The following LTBP1 variants were observed in gnomAD, a reference collection of about 807,000 sequenced individuals.
LTBP1 encodes the protein latent transforming growth factor beta binding protein 1, also known as latent-transforming growth factor beta-binding protein 1.
Under a neutral mutation model 207.6 loss-of-function variants are expected in LTBP1, and 129 were observed. That is an observed-to-expected ratio of 0.62 (90% CI 0.54 to 0.72). LTBP1 has a LOEUF of 0.72. Ranked by LOEUF, LTBP1 falls within the 30% of genes least tolerant of loss-of-function variation. The pLI, the probability that LTBP1 is intolerant of heterozygous loss-of-function variation, is 0.00. For synonymous variants in LTBP1, 963 were observed against 833.7 expected (o/e 1.16, Z -2.67); for missense variants, 2,281 against 2,217.2 (o/e 1.03, Z -0.58).
At chr2:33,139,082 T>G (rs1410942206) in intron 5 of LTBP1, among the ~76,000 whole-genome samples, 2 of 151,838 alleles carry the variant, frequency 1.3e-5, no homozygotes, top group Admixed American at 1.3e-4. Context: ...ATGGTCTCCA[T>G]CTCCTGACCT....
intron 24 of LTBP1, among the ~76,000 whole-genome samples, chr2:33,317,021 C>T (rs2094284270): frequency 6.6e-6 from 1 of 152,116 alleles, no homozygotes; most frequent in African/African-American, 2.4e-5. Context: ...AGCTGTTGTT[C>T]CAAAAGAATA....
intron 3 of LTBP1, among the ~76,000 whole-genome samples, chr2:33,078,322 A>T (rs947398424): frequency 2.0e-5 from 3 of 152,194 alleles, no homozygotes; most frequent in Admixed American, 6.5e-5. Context: ...GAGTTGACAG[A>T]ATTTTAGTGA....
intron 5 of LTBP1, among the ~76,000 whole-genome samples, chr2:33,180,989 CAT>C (rs61574027): frequency 0.52 from 78,241 of 151,492 alleles, 20,367 homozygotes; most frequent in African/African-American, 0.53. Context: ...AAATCAAAAT[CAT>C]GTGTGTGTCT....
chr2:33,257,450 A>G lies in LTBP1; in HGVS notation c.2334A>G (p.Glu778=), dbSNP rs756877769. The G allele has an allele frequency of 3.1e-6, 5 of 1,614,210 alleles. No homozygotes were observed. In the Admixed American group the frequency reaches 5.0e-5, roughly 16 times the overall value. Residue 778 remains glutamate, a synonymous_variant, in exon 12 of 34, where the codon GAA becomes GAG. Transcript: ENST00000404816. ...ATCCTCCACCTCTCCCAGCCAAGGA[A>G]GAGCCAGTGGAGGCCCTGACCTTCT... The part of the protein sequence containing the change: ...STHPPPLPAK[E]EPVEALTFSR...
intron 7 of LTBP1, among the ~76,000 whole-genome samples, chr2:33,217,025 A>T (rs181819244): frequency 5.9e-5 from 9 of 152,234 alleles, no homozygotes; most frequent in African/African-American, 1.9e-4. Flanking sequence ...GCTAGAGCTG[A>T]TTTGGCCCAG....
intron 7 of LTBP1, among the ~76,000 whole-genome samples, chr2:33,202,467 C>T (rs1451909335): frequency 3.3e-5 from 5 of 152,104 alleles, no homozygotes; most frequent in South Asian, 2.1e-4. Context: ...CTTGAATTTC[C>T]GCAGTATCTC....
intron 7 of LTBP1, among the ~76,000 whole-genome samples, chr2:33,205,688 TATTAGTGCTATTGATGGA>T (rs2089807762): frequency 6.6e-6 from 1 of 152,306 alleles, no homozygotes; most frequent in Admixed American, 6.5e-5. Flanking sequence ...TGGCCATACC[TATTAGTGCTATTGATGGA>T]ATTATGCCTC....
chr2:33,190,873 C>T (rs1446228993), intron 7 of LTBP1, among the ~76,000 whole-genome samples: 1 of 152,148 alleles, frequency 6.6e-6, no homozygotes, highest in Non-Finnish European at 1.5e-5. Flanking sequence ...TTTTCATTCC[C>T]CAGTTTTGCA....
At chr2:33,044,595 T>C (rs909755990) in intron 3 of LTBP1, among the ~76,000 whole-genome samples, 1 of 152,210 alleles carries the variant, frequency 6.6e-6, no homozygotes, top group African/African-American at 2.4e-5. Flanking sequence ...GTCTTTATAG[T>C]AGAATGATTT....
At chr2:33,377,106 A>T in intron 31 of LTBP1, among the ~76,000 whole-genome samples, 1 of 152,230 alleles carries the variant, frequency 6.6e-6, no homozygotes, top group East Asian at 1.9e-4. Flanking sequence ...TTAAAATAAA[A>T]TTTTTAAAAA....
chr2:32,996,046 G>A (rs149907063), intron 2 of LTBP1, among the ~76,000 whole-genome samples: 6 of 152,216 alleles, frequency 3.9e-5, no homozygotes, highest in African/African-American at 7.2e-5. Flanking sequence ...TATACGTATC[G>A]ATATAGTTAC....
chr2:33,171,516 C>G (rs2085450419), intron 5 of LTBP1, among the ~76,000 whole-genome samples: 2 of 150,938 alleles, frequency 1.3e-5, no homozygotes, highest in Admixed American at 6.6e-5. Flanking sequence ...GTGAAAAGAC[C>G]AAATCTACGT....
rs550175261 is a variant in LTBP1 at position 33,081,648 on chromosome 2, ATGTT to A, written c.864-28930_864-28927del. 6.6e-4 allele frequency among the ~76,000 whole-genome samples: 100 copies of A among 152,220 alleles called. 1 individual carries two copies. In the South Asian group the frequency reaches 0.02, roughly 31 times the overall value. On this transcript the variant is annotated intron_variant, in intron 3 of 33. Coordinates refer to ENST00000404816, the MANE Select transcript of LTBP1 (RefSeq NM_206943.4). ...CTGAAAAGGTAGTGCTGTGGTTTAA[ATGTT>A]TGTCTTCTCCCAAACTCATGGTGCT...
chr2:33,047,873 C>A (rs369630140), intron 3 of LTBP1, among the ~76,000 whole-genome samples: 17 of 152,018 alleles, frequency 1.1e-4, no homozygotes, highest in African/African-American at 3.9e-4. Flanking sequence ...ATGTAATGCC[C>A]TTCTTTGTCT....
rs372419067 is a variant in LTBP1 at position 33,271,398 on chromosome 2, A to G, written c.2618-2258A>G. On this transcript the variant is annotated intron_variant, in intron 15 of 33. Transcript: ENST00000404816. ...TCAATAACCACCCGGGAAAAAACCC[A>G]AGAAATCTAAACACCAGTAACTTGC... Among the ~76,000 whole-genome samples the G allele has an allele frequency of 2.6e-5, 4 of 152,280 alleles. No individual in the cohort carries two copies. In the East Asian group the frequency reaches 7.7e-4, roughly 29 times the overall value.
chr2:33,073,045 A>G (rs1481028065), intron 3 of LTBP1, among the ~76,000 whole-genome samples: 3 of 152,216 alleles, frequency 2.0e-5, no homozygotes, highest in African/African-American at 4.8e-5. Context: ...ACCACTGAAC[A>G]TGGTGTTTCG....
At chr2:33,082,381 G>T (rs575081417) in intron 3 of LTBP1, among the ~76,000 whole-genome samples, 1 of 150,922 alleles carries the variant, frequency 6.6e-6, no homozygotes, top group Admixed American at 6.6e-5. Context: ...AGGTAGCATA[G>T]TGGGGATGAA....
chr2:32,959,622 T>TTC (rs1678761339), intron 2 of LTBP1, among the ~76,000 whole-genome samples: 1 of 39,490 alleles, frequency 2.5e-5, no homozygotes, highest in African/African-American at 8.2e-5. Context: ...TATATATATA[T>TTC]TTTTTTTTTT....
At chr2:33,341,209 A>G (rs1027401371) in intron 24 of LTBP1, among the ~76,000 whole-genome samples, 1 of 152,088 alleles carries the variant, frequency 6.6e-6, no homozygotes, top group South Asian at 2.1e-4. Flanking sequence ...TGATATGATC[A>G]GGTGAAAACT....
Sources: gnomAD v4.1 joint callset for allele counts (sites outside exome capture counted in the v4.1 genomes callset) on GRCh38, gnomAD v4.1.1 for gene constraint, MANE v1.5 for transcripts, NCBI Gene and HGNC (gene_info 2026-07-23, HGNC 2026-07-21) for gene names.